CEND1: variants seen among roughly 807,000 people sequenced by gnomAD.
The protein encoded by CEND1 is cell cycle exit and neuronal differentiation protein 1.
In CEND1, 1 loss-of-function variant was observed where a neutral mutation model predicts 4.4. The observed-to-expected ratio is 0.23, with a 90% CI of 0.08 to 1.09. The LOEUF (loss-of-function observed/expected upper bound fraction) is 1.09. CEND1 is among the 50% of genes least tolerant of loss of function. The pLI, the probability that CEND1 is intolerant of heterozygous loss-of-function variation, is 0.55. For missense variants in CEND1, 213 were observed against 201.2 expected (o/e 1.06, Z -0.35); for synonymous variants, 109 against 93.0 (o/e 1.17, Z -0.99).
At position 788,439 on chromosome 11, in the gene CEND1, G is replaced by C. The variant is rs150121776; in HGVS notation, c.138C>G (p.Ala46=). ...GGGCTGCTGGCGGCTGCTGCTTCTC[G>C]GCCGGGGCCTCCTTCTTCGAGGGCT... is the stretch of plus-strand genomic sequence containing the variant. ...LTKPSKKEAP[A]EKQQPPAAPT... is the part of the protein sequence containing the mutation. Residue 46 remains alanine, a synonymous_variant, in exon 2 of 2, where the codon GCC becomes GCG. Coordinates refer to ENST00000330106, the MANE Select transcript of CEND1 (RefSeq NM_016564.4). 5 of 1,578,412 alleles carry C rather than the reference G, an allele frequency of 3.2e-6. No homozygotes were observed. The highest frequency in any genetic ancestry group is 2.3e-5 in the South Asian group (2 of 88,024).
intron 1 of CEND1, among the ~76,000 whole-genome samples, chr11:789,318 A>G (rs1450596005): frequency 3.3e-5 from 5 of 152,248 alleles, no homozygotes; most frequent in Non-Finnish European, 7.4e-5. Flanking sequence ...CCCCCTCCTC[A>G]GCATGGGCCG....
In CEND1 at chr11:788,291, C is replaced by T. The variant is rs1864384418; in HGVS notation, c.286G>A (p.Gly96Ser). The stretch of plus-strand genomic sequence containing the variant: ...TCTTCCTCCGCCCCGTCCCCAGGAC[C>T]CTTGGGCTCCGGGGTTGCATCGGGA... ...SSPDATPEPK[G>S]PGDGAEEDEA... The change falls in exon 2 of 2, where the codon GGT (glycine) becomes AGT (serine). Residue 96 changes from glycine to serine, a missense_variant. Coordinates refer to ENST00000330106, the MANE Select transcript of CEND1 (RefSeq NM_016564.4). 6.2e-7 allele frequency: 1 copy of T among 1,612,782 alleles called. No individual in the cohort carries two copies.
rs530168549 is a variant in CEND1 at position 788,040 on chromosome 11, G to A, written c.*87C>T. 1.1e-4 allele frequency: 120 copies of A among 1,051,716 alleles called. 1 individual carries two copies. The highest frequency in any genetic ancestry group is 1.3e-4 in the Non-Finnish European group (100 of 760,018). The allele number at this position is 1,051,716 out of a possible 1,614,324, so 65.1% of individuals were successfully genotyped here. A position where few individuals can be genotyped will look rare whatever the true frequency, so the allele number is the denominator to read the frequency against. On this transcript the variant is annotated 3_prime_UTR_variant, in exon 2 of 2. Transcript: ENST00000330106. ...GTGTGTAATGAATGTGCGTGTGTACGAATAGGTAAGGGTGAACTCTGCATG... is the reference window on the plus strand; with the variant it reads ...GTGTGTAATGAATGTGCGTGTGTACAAATAGGTAAGGGTGAACTCTGCATG...
rs190361611 is a variant in CEND1 at position 787,718 on chromosome 11, C to T, written c.*409G>A. On this transcript the variant is annotated 3_prime_UTR_variant, in exon 2 of 2. Coordinates refer to ENST00000330106, the MANE Select transcript of CEND1 (RefSeq NM_016564.4). The stretch of plus-strand genomic sequence containing the variant: ...GCAGAAATGGGGCGAGTGGAGCCAC[C>T]GCGCCCTTTAATGTCCCCACGAGGG... 63 of 159,442 alleles carry T rather than the reference C, an allele frequency of 4.0e-4. No individual in the cohort carries two copies. In the East Asian group the frequency reaches 8.0e-3, roughly 20 times the overall value. The allele number at this position is 159,442 out of a possible 1,614,324, so 9.9% of individuals were successfully genotyped here. A position where few individuals can be genotyped will look rare whatever the true frequency, so the allele number is the denominator to read the frequency against.
rs765830677 is a variant in CEND1, at chr11:788,435, T to G, written c.142A>C (p.Lys48Gln). Residue 48 changes from lysine (K) to glutamine (Q), a missense_variant, in exon 2 of 2, where the codon AAG becomes CAG. Coordinates refer to ENST00000330106, the MANE Select transcript of CEND1 (RefSeq NM_016564.4). The stretch of plus-strand genomic sequence containing the variant: ...GTGGGGGCTGCTGGCGGCTGCTGCT[T>G]CTCGGCCGGGGCCTCCTTCTTCGAG... ...KPSKKEAPAE[K>Q]QQPPAAPTTA... The G allele has an allele frequency of 3.8e-6, 6 of 1,580,762 alleles. No individual in the cohort carries two copies. In the South Asian group the frequency reaches 5.7e-5, roughly 15 times the overall value.
In CEND1 at chr11:788,190, C is replaced by T. The variant is rs773345856; in HGVS notation, c.387G>A (p.Gly129=). The T allele has an allele frequency of 6.2e-6, 10 of 1,608,556 alleles. No individual in the cohort carries two copies. Among genetic ancestry groups the T allele is most frequent in the Non-Finnish European group, 8.5e-6 (10 of 1,179,054 alleles). ...GGGCTATGGCTGCCACGGCCACACC[C>T]CCAGCCACCAGCAGGGGGTTGAAGT... is the stretch of plus-strand genomic sequence containing the variant. ...CENFNPLLVA[G]GVAVAAIALI... The change falls in exon 2 of 2, where the codon GGG becomes GGA. Residue 129 remains glycine, a synonymous_variant. Transcript: ENST00000330106.
chr11:788,528 C>T lies in CEND1; in HGVS notation c.49G>A (p.Val17Met). The T allele has an allele frequency of 6.6e-7, 1 of 1,523,414 alleles. No homozygotes were observed. Among genetic ancestry groups the T allele is most frequent in the Non-Finnish European group, 8.8e-7 (1 of 1,135,890 alleles). 94.4% of individuals were successfully genotyped at this position (1,523,414 alleles called of 1,614,324 possible). A position where few individuals can be genotyped will look rare whatever the true frequency, so the allele number is the denominator to read the frequency against. ...SASSPKPDTKVPQVTTEAKVP... is the reference protein window; with the variant it reads ...SASSPKPDTKMPQVTTEAKVP... ...TTGGCCTCGGTGGTGACCTGGGGCA[C>T]CTTGGTGTCGGGCTTGGGGCTGCTG... The change falls in exon 2 of 2, where the codon GTG (valine) becomes ATG (methionine). Residue 17 changes from valine to methionine, a missense_variant. Transcript: ENST00000330106.
rs71022974 is a variant in CEND1 at position 787,828 on chromosome 11, T to TG, written c.*298dup. ...CCCAGGATCACCCAGCCGCCAGGGG[T>TG]GGGGGGGGCCACACACAGGGTCCAT... is the stretch of plus-strand genomic sequence containing the variant. On this transcript the variant is annotated 3_prime_UTR_variant, in exon 2 of 2. Coordinates refer to ENST00000330106, the MANE Select transcript of CEND1 (RefSeq NM_016564.4). 22 of 219,068 alleles carry TG rather than the reference T, an allele frequency of 1.0e-4. No individual in the cohort carries two copies. Among genetic ancestry groups the TG allele is most frequent in the South Asian group, 3.7e-4 (2 of 5,448 alleles). The allele number at this position is 219,068 out of a possible 1,614,324, so 13.6% of individuals were successfully genotyped here. A position where few individuals can be genotyped will look rare whatever the true frequency, so the allele number is the denominator to read the frequency against.
rs948565449 is a variant in CEND1 at position 787,835 on chromosome 11, G to C, written c.*292C>G. 8.0e-6 allele frequency: 2 copies of C among 248,988 alleles called. No individual in the cohort carries two copies. The highest frequency in any genetic ancestry group is 2.2e-5 in the African/African-American group (1 of 44,722). 15.4% of individuals were successfully genotyped at this position (248,988 alleles called of 1,614,324 possible). Reference sequence around the variant, plus strand: ...TCACCCAGCCGCCAGGGGTGGGGGGGGCCACACACAGGGTCCATTCCTTTC... The same window carrying C: ...TCACCCAGCCGCCAGGGGTGGGGGGCGCCACACACAGGGTCCATTCCTTTC... On this transcript the variant is annotated 3_prime_UTR_variant, in exon 2 of 2. Coordinates refer to ENST00000330106, the MANE Select transcript of CEND1 (RefSeq NM_016564.4).
At chr11:789,742 GCC>G (rs1864420234) in intron 1 of CEND1, among the ~76,000 whole-genome samples, 3 of 151,992 alleles carry the variant, frequency 2.0e-5, no homozygotes, top group Admixed American at 2.0e-4. Flanking sequence ...CCCAGCTGCT[GCC>G]ACCTCCCAGG....
chr11:789,711 T>C (rs1225987511), intron 1 of CEND1, among the ~76,000 whole-genome samples: 1 of 151,692 alleles, frequency 6.6e-6, no homozygotes, highest in Non-Finnish European at 1.5e-5. Flanking sequence ...CACAGCATGA[T>C]GAGGGCGTCT....
At position 788,122 on chromosome 11, in the gene CEND1, A is replaced by T; in HGVS notation, c.*5T>A. The T allele has an allele frequency of 6.5e-7, 1 of 1,539,808 alleles. No homozygotes were observed. Among genetic ancestry groups the T allele is most frequent in the Non-Finnish European group, 8.7e-7 (1 of 1,150,410 alleles). ...GCTCCGTGCCCCCCGCCTGGCCCCC[A>T]GGTATTATTTTTTCCGGACCAGGAA... On this transcript the variant is annotated 3_prime_UTR_variant, in exon 2 of 2. Transcript: ENST00000330106.
Position 788,067 on chromosome 11 carries a change from A to C in CEND1, c.*60T>G. On this transcript the variant is annotated 3_prime_UTR_variant, in exon 2 of 2. Coordinates refer to ENST00000330106, the MANE Select transcript of CEND1 (RefSeq NM_016564.4). ...ATAGGTAAGGGTGAACTCTGCATGC[A>C]CTGGCTTCCTCGGGTCTGTACAGGA... 1 of 1,319,452 alleles carries C rather than the reference A, an allele frequency of 7.6e-7. No individual in the cohort carries two copies. The allele number at this position is 1,319,452 out of a possible 1,614,324, so 81.7% of individuals were successfully genotyped here.
intron 1 of CEND1, among the ~76,000 whole-genome samples, chr11:789,287 G>GCCCCTCCCCAGCCTCTGGGGC (rs1864407088): frequency 1.3e-5 from 2 of 152,082 alleles, no homozygotes; most frequent in African/African-American, 2.4e-5. Flanking sequence ...AGGGCCGTCT[G>GCCCCTCCCCAGCCTCTGGGGC]CCCCTCCCCA....
rs745544189 is a variant in CEND1 at position 788,245 on chromosome 11, G to A, written c.332C>T (p.Pro111Leu). 1 of 1,611,094 alleles carries A rather than the reference G, an allele frequency of 6.2e-7. No homozygotes were observed. The highest frequency in any genetic ancestry group is 1.7e-5 in the Admixed American group (1 of 59,606). Residue 111 changes from proline to leucine, a missense_variant, in exon 2 of 2, where the codon CCT becomes CTT. Transcript: ENST00000330106. The part of the protein sequence containing the change: ...AEEDEAASGG[P>L]GGRGPWSCEN... ...ACAGGACCAGGGACCTCGGCCCCCA[G>A]GCCCCCCACTGGCAGCCTCATCTTC...
In CEND1 at chr11:787,222, T is replaced by A. The variant is rs1310566625; in HGVS notation, c.*905A>T. ...CGTTCTCACAGTGCCCACCACCACCTTCTGGGAGTTCGCCTGCTGCTGCGC... is the reference window on the plus strand; with the variant it reads ...CGTTCTCACAGTGCCCACCACCACCATCTGGGAGTTCGCCTGCTGCTGCGC... On this transcript the variant is annotated 3_prime_UTR_variant, in exon 2 of 2. Coordinates refer to ENST00000330106, the MANE Select transcript of CEND1 (RefSeq NM_016564.4). 1.3e-5 allele frequency: 2 copies of A among 152,586 alleles called. No individual in the cohort carries two copies. Among genetic ancestry groups the A allele is most frequent in the African/African-American group, 4.8e-5 (2 of 41,446 alleles). The allele number at this position is 152,586 out of a possible 1,614,324, so 9.5% of individuals were successfully genotyped here. A position where few individuals can be genotyped will look rare whatever the true frequency, so the allele number is the denominator to read the frequency against.
At chr11:789,940 G>A (rs1864425782) in intron 1 of CEND1, 90 bp downstream of exon 1, 1 of 153,090 alleles carries the variant, frequency 6.5e-6, no homozygotes, top group South Asian at 1.8e-4. Context: ...CGCAAACCCA[G>A]TGACCTTCAA....
In CEND1 at chr11:788,367, G is replaced by C; in HGVS notation, c.210C>G (p.Ala70=). 1.2e-6 allele frequency: 2 copies of C among 1,600,462 alleles called. No homozygotes were observed. The highest frequency in any genetic ancestry group is 1.7e-6 in the Non-Finnish European group (2 of 1,170,438). ...TCAGGTTGCTGTGGTTGTTGAGAAG[G>C]GCAGGGTCGGCCTTGGCCGAGGTCT... ...AKKTSAKADP[A]LLNNHSNLKP... The change falls in exon 2 of 2, where the codon GCC becomes GCG. Residue 70 remains alanine (A), a synonymous_variant. Coordinates refer to ENST00000330106, the MANE Select transcript of CEND1 (RefSeq NM_016564.4).
Position 788,003 on chromosome 11 carries a change from G to A in CEND1, c.*124C>T, listed in dbSNP as rs1246660083. 2 of 730,344 alleles carry A rather than the reference G, an allele frequency of 2.7e-6. No homozygotes were observed. Among genetic ancestry groups the A allele is most frequent in the Admixed American group, 3.4e-5 (1 of 29,556 alleles). 45.2% of individuals were successfully genotyped at this position (730,344 alleles called of 1,614,324 possible). A position where few individuals can be genotyped will look rare whatever the true frequency, so the allele number is the denominator to read the frequency against. On this transcript the variant is annotated 3_prime_UTR_variant, in exon 2 of 2. Coordinates refer to ENST00000330106, the MANE Select transcript of CEND1 (RefSeq NM_016564.4). ...CCTCTTCACCGTGCGCGTGTGTTGG[G>A]GGCGTATGTAGGTGTGTAATGAATG...
Sources: gnomAD v4.1 joint callset for allele counts (sites outside exome capture counted in the v4.1 genomes callset) on GRCh38, gnomAD v4.1.1 for gene constraint, MANE v1.5 for transcripts, NCBI Gene and HGNC (gene_info 2026-07-23, HGNC 2026-07-21) for gene names.